Variants in APCDD1 observed in about 807,000 individuals in gnomAD.
APCDD1 encodes the protein APC down-regulated 1.
Under a neutral mutation model 38.1 loss-of-function variants are expected in APCDD1, and 15 were observed. The ratio of observed to expected loss-of-function variants is 0.39; its 90% CI spans 0.26 to 0.61. The LOEUF (loss-of-function observed/expected upper bound fraction) is 0.61, where lower values mean the gene tolerates loss of function less well. APCDD1 is among the 20% of genes least tolerant of loss of function. APCDD1 has a pLI of 0.49. For missense variants in APCDD1, 647 were observed against 696.2 expected, an observed-to-expected ratio of 0.93 and a Z score of 0.79; for synonymous variants, 261 against 279.7, an observed-to-expected ratio of 0.93 and a Z score of 0.67.
rs1205312989 is a variant in APCDD1 at position 10,467,619 on chromosome 18, T to C, written c.59-850T>C. ...TGAAGATAAGTTTACTGCTAGTATG[T>C]CTTTACCCCTGGGAAATAAACATAT... On this transcript the variant is annotated intron_variant, in intron 1 of 4. Coordinates refer to ENST00000355285, the MANE Select transcript of APCDD1 (RefSeq NM_153000.5). This position sits in a 1 kb window ranked among gnomAD's most constrained non-coding sequence, Gnocchi z 4.8. Among the ~76,000 whole-genome samples, 3 of 152,240 alleles carry C rather than the reference T, an allele frequency of 2.0e-5. No homozygotes were observed. Among genetic ancestry groups the C allele is most frequent in the Non-Finnish European group, 4.4e-5 (3 of 68,048 alleles).
At chr18:10,465,352 A>G (rs567771) in intron 1 of APCDD1, among the ~76,000 whole-genome samples, 39,673 of 152,102 alleles carry the variant, frequency 0.26, 5,492 homozygotes, top group East Asian at 0.45. Context: ...AAATAGGCTG[A>G]TTTTGAACAT....
At chr18:10,459,452 A>G (rs1460950226) in intron 1 of APCDD1, among the ~76,000 whole-genome samples, 2 of 152,240 alleles carry the variant, frequency 1.3e-5, no homozygotes, top group Non-Finnish European at 2.9e-5. Flanking sequence ...CTATGGCACT[A>G]TAAAGTGGCA....
rs535542531 is a variant in APCDD1, at chr18:10,472,861, C to G, written c.774+800C>G. 6.6e-5 allele frequency among the ~76,000 whole-genome samples: 10 copies of G among 152,344 alleles called. No individual in the cohort carries two copies. Among genetic ancestry groups the G allele is most frequent in the South Asian group, 2.1e-4 (1 of 4,826 alleles). ...CTTCCCACAAGCTTAGAGTACACGT[C>G]CATGTGTAACTCGATCACCTCCACC... On this transcript the variant is annotated intron_variant, in intron 3 of 4. Transcript: ENST00000355285. The surrounding 1 kb of genome is among the most constrained non-coding windows in gnomAD (Gnocchi z 6.6).
chr18:10,485,540 G>A lies in APCDD1; in HGVS notation c.853G>A (p.Ala285Thr). The A allele has an allele frequency of 6.2e-7, 1 of 1,614,122 alleles. No individual in the cohort carries two copies. The change falls in exon 4 of 5, where the codon GCA (alanine) becomes ACA (threonine). Residue 285 changes from alanine (A) to threonine (T), a missense_variant. By Grantham distance (58) the Ala-to-Thr change is moderately conservative. Transcript: ENST00000355285. The surrounding 1 kb of genome is among the most constrained non-coding windows in gnomAD (Gnocchi z 5.8). ...EHHPPILPPK[A>T]DLTIGLHGEW... ...CCACCCTCCCATCCTGCCCCCAAAG[G>A]CAGACCTGACCATCGGCCTGCACGG...
rs1315052753 is a variant in APCDD1, at chr18:10,475,818, C to T, written c.774+3757C>T. On this transcript the variant is annotated intron_variant, in intron 3 of 4. Coordinates refer to ENST00000355285, the MANE Select transcript of APCDD1 (RefSeq NM_153000.5). This position sits in a 1 kb window ranked among gnomAD's most constrained non-coding sequence, Gnocchi z 4.0. ...AGGGGGGGGGGGGTCAGTGGAAGGC[C>T]GAGTGGCTCTGGTAGCTGAAAGGGT... 6.6e-6 allele frequency: 1 copy of T among 150,708 alleles called. No individual in the cohort carries two copies. The highest frequency in any genetic ancestry group is 1.5e-5 in the Non-Finnish European group (1 of 68,128). 9.3% of individuals were successfully genotyped at this position (150,708 alleles called of 1,614,324 possible). A position where few individuals can be genotyped will look rare whatever the true frequency, so the allele number is the denominator to read the frequency against.
rs1238572285 is a variant in APCDD1, at chr18:10,487,661, T to A, written c.1168T>A (p.Cys390Ser). Reference sequence around the variant, plus strand: ...GCTCAACGTCTTCAACGGGAATGAGTGCGGGGCCGAGGGCTCCTGGCAGGT... The same window carrying A: ...GCTCAACGTCTTCAACGGGAATGAGAGCGGGGCCGAGGGCTCCTGGCAGGT... ...SLLNVFNGNE[C>S]GAEGSWQVGI... The change falls in exon 5 of 5, where the codon TGC becomes AGC. Residue 390 changes from cysteine to serine, a missense_variant. Transcript: ENST00000355285. 2 of 1,613,896 alleles carry A rather than the reference T, an allele frequency of 1.2e-6. No individual in the cohort carries two copies. Among genetic ancestry groups the A allele is most frequent in the Non-Finnish European group, 8.5e-7 (1 of 1,180,016 alleles).
In APCDD1 at chr18:10,472,174, CG is replaced by C. The variant is rs2030878447; in HGVS notation, c.774+117del. On this transcript the variant is annotated intron_variant, in intron 3 of 4. Transcript: ENST00000355285. The surrounding 1 kb of genome is among the most constrained non-coding windows in gnomAD (Gnocchi z 6.6). ...TGAAAGGGGGAATTCTGCATCATGGCGGGGCAGGCCAAGGTGGGGCTGCTGC... is the reference window on the plus strand; with the variant it reads ...TGAAAGGGGGAATTCTGCATCATGGCGGGCAGGCCAAGGTGGGGCTGCTGC... The C allele has an allele frequency of 1.4e-6, 2 of 1,461,752 alleles. No homozygotes were observed. Among genetic ancestry groups the C allele is most frequent in the African/African-American group, 1.4e-5 (1 of 71,872 alleles). The allele number at this position is 1,461,752 out of a possible 1,614,324, so 90.5% of individuals were successfully genotyped here.
At chr18:10,458,621 G>A (rs1455785231) in intron 1 of APCDD1, among the ~76,000 whole-genome samples, 2 of 152,142 alleles carry the variant, frequency 1.3e-5, no homozygotes, top group Non-Finnish European at 2.9e-5. Context: ...TATACTAGCT[G>A]AGTTCATTCT....
At position 10,470,557 on chromosome 18, in the gene APCDD1, TTCGTC is replaced by T. The variant is rs1225809690; in HGVS notation, c.243-972_243-968del. Reference sequence around the variant, plus strand: ...GCCTGACTGCTTGATTTAGCAGCGCTTCGTCAGTTCAAACCAGAATCTGTGTTAGC... The same window carrying T: ...GCCTGACTGCTTGATTTAGCAGCGCTAGTTCAAACCAGAATCTGTGTTAGC... On this transcript the variant is annotated intron_variant, in intron 2 of 4. Coordinates refer to ENST00000355285, the MANE Select transcript of APCDD1 (RefSeq NM_153000.5). The surrounding 1 kb of genome is among the most constrained non-coding windows in gnomAD (Gnocchi z 4.1). 2.3e-4 allele frequency among the ~76,000 whole-genome samples: 35 copies of T among 152,238 alleles called. No individual in the cohort carries two copies. The highest frequency in any genetic ancestry group is 7.5e-4 in the African/African-American group (31 of 41,470).
chr18:10,464,228 ACTTC>A (rs2030644405), intron 1 of APCDD1, among the ~76,000 whole-genome samples: 1 of 150,502 alleles, frequency 6.6e-6, no homozygotes, highest in East Asian at 2.0e-4. Flanking sequence ...GAACTCCCTA[ACTTC>A]CTTCCCAGAA....
At position 10,485,582 on chromosome 18, in the gene APCDD1, C is replaced by T. The variant is rs1321371395; in HGVS notation, c.895C>T (p.Arg299Cys). The T allele has an allele frequency of 7.4e-6, 12 of 1,613,904 alleles. No homozygotes were observed. Among genetic ancestry groups the T allele is most frequent in the African/African-American group, 2.7e-5 (2 of 74,910 alleles). ...CCTGCACGGGGAGTGGGTGAGCCAG[C>T]GCTGTGAGGTGCGCCCCGAAGTCCT... is the stretch of plus-strand genomic sequence containing the variant. ...IGLHGEWVSQ[R>C]CEVRPEVLFL... The change falls in exon 4 of 5, where the codon CGC becomes TGC. Residue 299 changes from arginine (R) to cysteine (C), a missense_variant. Physicochemically the swap from Arg to Cys is radical, Grantham distance 180. Transcript: ENST00000355285. This position sits in a 1 kb window ranked among gnomAD's most constrained non-coding sequence, Gnocchi z 5.8.
chr18:10,483,100 T>C (rs935533330), intron 3 of APCDD1, among the ~76,000 whole-genome samples: 1 of 152,218 alleles, frequency 6.6e-6, no homozygotes, highest in African/African-American at 2.4e-5. Flanking sequence ...AATGAGGAAG[T>C]TGAAATGGAG....
At position 10,470,112 on chromosome 18, in the gene APCDD1, T is replaced by C. The variant is rs144598822; in HGVS notation, c.243-1418T>C. 8.1e-4 allele frequency among the ~76,000 whole-genome samples: 123 copies of C among 152,294 alleles called. 1 individual carries two copies. Among genetic ancestry groups the C allele is most frequent in the East Asian group, 6.6e-3 (34 of 5,178 alleles). The stretch of plus-strand genomic sequence containing the variant: ...CCAGTTAAAAGACCTTTGCAGCCGT[T>C]CTGGTTAGAGAGCACAGAGGCTTAG... On this transcript the variant is annotated intron_variant, in intron 2 of 4. Transcript: ENST00000355285. This position sits in a 1 kb window ranked among gnomAD's most constrained non-coding sequence, Gnocchi z 4.1.
intron 1 of APCDD1, among the ~76,000 whole-genome samples, chr18:10,461,653 A>G (rs1177062143): frequency 2.0e-5 from 3 of 152,224 alleles, no homozygotes; most frequent in Admixed American, 1.3e-4. Context: ...TGTTTAATTT[A>G]TAGAGGAAAA....
chr18:10,475,112 T>TG lies in APCDD1; in HGVS notation c.774+3052dup, dbSNP rs1229918510. ...TGTGGGCATCAGGATAGGGCCTGAA[T>TG]GCAAAGCTCCATCTCTCTTAACCTA... On this transcript the variant is annotated intron_variant, in intron 3 of 4. Coordinates refer to ENST00000355285, the MANE Select transcript of APCDD1 (RefSeq NM_153000.5). This position sits in a 1 kb window ranked among gnomAD's most constrained non-coding sequence, Gnocchi z 4.0. Among the ~76,000 whole-genome samples the TG allele has an allele frequency of 6.6e-6, 1 of 152,252 alleles. No homozygotes were observed. The highest frequency in any genetic ancestry group is 6.5e-5 in the Admixed American group (1 of 15,292).
intron 3 of APCDD1, among the ~76,000 whole-genome samples, chr18:10,481,826 A>C (rs1306342224): frequency 1.9e-5 from 1 of 52,072 alleles, no homozygotes; most frequent in Non-Finnish European, 4.4e-5. Flanking sequence ...TCCACAAGAC[A>C]AAAAAAACAA....
Position 10,470,554 on chromosome 18 carries a change from C to T in APCDD1, c.243-976C>T, listed in dbSNP as rs1235442299. On this transcript the variant is annotated intron_variant, in intron 2 of 4. Coordinates refer to ENST00000355285, the MANE Select transcript of APCDD1 (RefSeq NM_153000.5). The surrounding 1 kb of genome is among the most constrained non-coding windows in gnomAD (Gnocchi z 4.1). Reference sequence around the variant, plus strand: ...TTAGCCTGACTGCTTGATTTAGCAGCGCTTCGTCAGTTCAAACCAGAATCT... The same window carrying T: ...TTAGCCTGACTGCTTGATTTAGCAGTGCTTCGTCAGTTCAAACCAGAATCT... Among the ~76,000 whole-genome samples the T allele has an allele frequency of 6.6e-6, 1 of 152,204 alleles. No homozygotes were observed. The highest frequency in any genetic ancestry group is 1.5e-5 in the Non-Finnish European group (1 of 68,054).
intron 2 of APCDD1, 28 bp downstream of exon 2, chr18:10,468,680 G>T (rs747716206): frequency 6.2e-7 from 1 of 1,610,840 alleles, no homozygotes; most frequent in Non-Finnish European, 8.5e-7. Context: ...GTCTGGGAGA[G>T]GCCAGAGAGC....
chr18:10,479,619 C>T (rs2031088016), intron 3 of APCDD1, among the ~76,000 whole-genome samples: 1 of 152,190 alleles, frequency 6.6e-6, no homozygotes, highest in African/African-American at 2.4e-5. Flanking sequence ...GGAGGCAGCA[C>T]TCAGCAAGTC....
Sources: allele counts gnomAD v4.1 joint callset (sites outside exome capture counted in the v4.1 genomes callset), GRCh38; gene constraint gnomAD v4.1.1; non-coding constraint Gnocchi (gnomAD v3.1); transcripts MANE v1.5; gene names NCBI Gene and HGNC (gene_info 2026-07-23, HGNC 2026-07-21).